Variants in EXOC6B observed in about 807,000 individuals in gnomAD.
EXOC6B encodes SEC15 homolog B.
A neutral mutation model predicts 113.5 loss-of-function variants in EXOC6B; 54 were observed. The observed-to-expected ratio is 0.48, with a 90% confidence interval of 0.38 to 0.60. EXOC6B has a LOEUF of 0.60. Ranked by LOEUF, EXOC6B falls within the 20% of genes least tolerant of loss-of-function variation. The pLI, the probability that EXOC6B is intolerant of heterozygous loss-of-function variation, is 0.00. For synonymous variants in EXOC6B, 357 were observed against 339.0 expected, an observed-to-expected ratio of 1.05 and a Z score of -0.58; for missense variants, 797 against 977.5, an observed-to-expected ratio of 0.82 and a Z score of 2.46.
At chr2:72,344,201 A>C (rs1356122368) in intron 19 of EXOC6B, among the ~76,000 whole-genome samples, 1 of 151,830 alleles carries the variant, frequency 6.6e-6, no homozygotes, top group African/African-American at 2.4e-5. Context: ...TTTCTGCTCA[A>C]ATCTGCCTTT....
chr2:72,730,611 C>CACACAT lies in EXOC6B; in HGVS notation c.464+395_464+396insATGTGT, dbSNP rs869111692. On this transcript the variant is annotated intron_variant, in intron 5 of 21. Coordinates refer to ENST00000272427, the MANE Select transcript of EXOC6B (RefSeq NM_015189.3). ...ACACACACACACACACACACACACA[C>CACACAT]ACACACACACGCTATTGGTTCTGTT... Among the ~76,000 whole-genome samples, 77 of 151,772 alleles carry CACACAT rather than the reference C, an allele frequency of 5.1e-4. 1 individual carries two copies. Among genetic ancestry groups the CACACAT allele is most frequent in the African/African-American group, 1.7e-3 (70 of 41,366 alleles).
chr2:72,823,483 A>AAAAAAAAAAAAAAG (rs1686713884), intron 1 of EXOC6B, among the ~76,000 whole-genome samples: 1 of 138,276 alleles, frequency 7.2e-6, no homozygotes, highest in African/African-American at 2.8e-5. Flanking sequence ...AAAAAACAAA[A>AAAAAAAAAAAAAAG]AACAAAAAAA....
At chr2:72,223,412 A>G (rs1198066706) in intron 20 of EXOC6B, among the ~76,000 whole-genome samples, 1 of 152,132 alleles carries the variant, frequency 6.6e-6, no homozygotes, top group South Asian at 2.1e-4. Context: ...CTCCCTAGAC[A>G]GTATTCCTGA....
intron 19 of EXOC6B, among the ~76,000 whole-genome samples, chr2:72,364,145 G>A (rs964009445): frequency 6.6e-6 from 1 of 151,908 alleles, no homozygotes; most frequent in African/African-American, 2.4e-5. Flanking sequence ...GCTTTTATAC[G>A]CCTCTGTATA....
Position 72,379,758 on chromosome 2 carries a change from T to C in EXOC6B, c.2093A>G (p.Gln698Arg). 1 of 1,612,870 alleles carries C rather than the reference T, an allele frequency of 6.2e-7. No individual in the cohort carries two copies. Among genetic ancestry groups the C allele is most frequent in the Non-Finnish European group, 8.5e-7 (1 of 1,179,308 alleles). The change falls in exon 19 of 22, where the codon CAG becomes CGG. Residue 698 changes from glutamine to arginine, a missense_variant. Physicochemically the swap from Gln to Arg is conservative, Grantham distance 43. Coordinates refer to ENST00000272427, the MANE Select transcript of EXOC6B (RefSeq NM_015189.3). The part of the protein sequence containing the change: ...VRQLTLGALQ[Q>R]FNLDVRECEQ... ...ACATTCTCTGACGTCCAAGTTGAAC[T>C]GCTGTAATGCTCCCAAGGTGAGCTG...
chr2:72,708,896 ATTTTTT>A (rs1159794341), intron 6 of EXOC6B, among the ~76,000 whole-genome samples: 50 of 69,800 alleles, frequency 7.2e-4, no homozygotes, highest in East Asian at 4.4e-3. Flanking sequence ...CATCCAGCTA[ATTTTTT>A]TTTTTTTTTT....
intron 1 of EXOC6B, among the ~76,000 whole-genome samples, chr2:72,818,392 A>C (rs1573848391): frequency 7.0e-6 from 1 of 142,444 alleles, no homozygotes; most frequent in African/African-American, 2.6e-5. Context: ...CGATCTCCTG[A>C]CCTCGTGATC....
At chr2:72,729,110 T>C (rs1029959863) in intron 5 of EXOC6B, among the ~76,000 whole-genome samples, 10 of 152,094 alleles carry the variant, frequency 6.6e-5, no homozygotes, top group Admixed American at 6.6e-4. Flanking sequence ...CTGAGAATCA[T>C]CTACATAAAC....
chr2:72,679,478 A>G (rs544031895), intron 6 of EXOC6B, among the ~76,000 whole-genome samples: 3 of 152,324 alleles, frequency 2.0e-5, no homozygotes, highest in East Asian at 1.9e-4. Flanking sequence ...AACCAAAGAA[A>G]TGTGGGTTTC....
At chr2:72,254,169 A>G (rs1024249387) in intron 20 of EXOC6B, among the ~76,000 whole-genome samples, 1 of 152,156 alleles carries the variant, frequency 6.6e-6, no homozygotes, top group Non-Finnish European at 1.5e-5. Context: ...CAAAAAAAAA[A>G]AGATATGTTC....
intron 5 of EXOC6B, among the ~76,000 whole-genome samples, chr2:72,730,049 A>AG (rs1014349761): frequency 5.3e-5 from 8 of 152,170 alleles, no homozygotes; most frequent in African/African-American, 1.9e-4. Flanking sequence ...ATCATACTAC[A>AG]GGGCATCTCA....
chr2:72,297,431 G>A (rs1218979701), intron 20 of EXOC6B, among the ~76,000 whole-genome samples: 2 of 152,000 alleles, frequency 1.3e-5, no homozygotes, highest in Non-Finnish European at 2.9e-5. Context: ...CTTTGTGTCT[G>A]TGTGTTCCCA....
intron 19 of EXOC6B, among the ~76,000 whole-genome samples, chr2:72,337,510 G>A (rs1422811762): frequency 1.3e-5 from 2 of 152,134 alleles, no homozygotes; most frequent in East Asian, 3.9e-4. Context: ...CATGCTCCCT[G>A]GGGCTAATAG....
At chr2:72,463,048 T>G (rs1284658751) in intron 18 of EXOC6B, 2 of 152,124 alleles carry the variant, frequency 1.3e-5, no homozygotes, top group East Asian at 1.9e-4. Context: ...ATCAAGAAAC[T>G]GTATCTCCCT....
intron 20 of EXOC6B, among the ~76,000 whole-genome samples, chr2:72,242,794 G>T (rs571644055): frequency 6.6e-6 from 1 of 152,136 alleles, no homozygotes; most frequent in Non-Finnish European, 1.5e-5. Flanking sequence ...GTACAGTAGT[G>T]CAATCATAGC....
chr2:72,300,817 C>T (rs545005415), intron 20 of EXOC6B, among the ~76,000 whole-genome samples: 1 of 152,214 alleles, frequency 6.6e-6, no homozygotes, highest in African/African-American at 2.4e-5. Flanking sequence ...CTGGGTGAGG[C>T]GATGCCCCAC....
intron 18 of EXOC6B, among the ~76,000 whole-genome samples, chr2:72,434,048 A>G (rs1695709837): frequency 6.6e-6 from 1 of 152,060 alleles, no homozygotes; most frequent in African/African-American, 2.4e-5. Context: ...GTTTGTCATA[A>G]ATAGCTCTTA....
At chr2:72,557,290 C>G (rs867077873) in intron 8 of EXOC6B, among the ~76,000 whole-genome samples, 292 of 6,934 alleles carry the variant, frequency 0.042, 1 homozygote, top group Middle Eastern at 0.5. Flanking sequence ...AAATAAAATC[C>G]GGGGGGGGGG....
At chr2:72,704,363 C>G (rs1266309073) in intron 6 of EXOC6B, among the ~76,000 whole-genome samples, 1 of 150,802 alleles carries the variant, frequency 6.6e-6, no homozygotes, top group Non-Finnish European at 1.5e-5. Context: ...TAAATGCCCA[C>G]AAGAGGAAGC....
Sources: allele counts gnomAD v4.1 joint callset (sites outside exome capture counted in the v4.1 genomes callset), GRCh38; gene constraint gnomAD v4.1.1; transcripts MANE v1.5; gene names NCBI Gene and HGNC (gene_info 2026-07-23, HGNC 2026-07-21).